The following MARCHF1 variants were observed in gnomAD, a reference collection of about 807,000 sequenced individuals.
MARCHF1 encodes the protein membrane associated ring-CH-type finger 1, also known as E3 ubiquitin-protein ligase MARCHF1.
Under a neutral mutation model 54.2 loss-of-function variants are expected in MARCHF1, and 40 were observed. The observed-to-expected ratio is 0.74, with a 90% CI of 0.57 to 0.96. MARCHF1 has a LOEUF of 0.96. Ranked by LOEUF, MARCHF1 falls within the 40% of genes least tolerant of loss-of-function variation. MARCHF1 has a pLI of 0.00. For missense variants in MARCHF1, 586 were observed against 656.5 expected (o/e 0.89, Z 1.17); for synonymous variants, 236 against 236.3 (o/e 1.00, Z 0.01).
chr4:163,529,590 C>T (rs1463984356), intron 9 of MARCHF1, among the ~76,000 whole-genome samples: 3 of 151,856 alleles, frequency 2.0e-5, no homozygotes, highest in Non-Finnish European at 4.4e-5. Flanking sequence ...CCACATCTCA[C>T]CAGAGAGAGA....
Position 163,933,104 on chromosome 4 carries a change from T to G in MARCHF1, c.-39+55397A>C, listed in dbSNP as rs183504771. On this transcript the variant is annotated intron_variant, in intron 3 of 9. Transcript: ENST00000514618. The stretch of plus-strand genomic sequence containing the variant: ...CCTGCACGCTGGCTAAAACGGCTTT[T>G]GATGAGGCCATTGCAGAACTTGATA... 91 of 1,276,112 alleles carry G rather than the reference T, an allele frequency of 7.1e-5. No homozygotes were observed. In the African/African-American group the frequency reaches 1.1e-3, roughly 16 times the overall value. The allele number at this position is 1,276,112 out of a possible 1,614,324, so 79.0% of individuals were successfully genotyped here.
rs115575192 is a variant in MARCHF1, at chr4:164,365,107, G to A, written c.-323+18763C>T. 3.9e-5 allele frequency among the ~76,000 whole-genome samples: 6 copies of A among 152,024 alleles called. No individual in the cohort carries two copies. In the East Asian group the frequency reaches 5.8e-4, roughly 15 times the overall value. On this transcript the variant is annotated intron_variant, in intron 1 of 9. Coordinates refer to ENST00000514618, the MANE Select transcript of MARCHF1 (RefSeq NM_001394959.1). ...CTATGTCTTCATCATTCCCTGCCACGAATAGAGTAACAGATTCTTGGACTG... is the reference window on the plus strand; with the variant it reads ...CTATGTCTTCATCATTCCCTGCCACAAATAGAGTAACAGATTCTTGGACTG...
At chr4:163,569,102 G>A (rs979891238) in intron 8 of MARCHF1, among the ~76,000 whole-genome samples, 2 of 152,032 alleles carry the variant, frequency 1.3e-5, no homozygotes, top group Admixed American at 1.3e-4. Flanking sequence ...GTTATCACTG[G>A]ATCATCAAGG....
At chr4:164,127,116 C>G (rs977642363) in intron 1 of MARCHF1, among the ~76,000 whole-genome samples, 4 of 145,694 alleles carry the variant, frequency 2.7e-5, no homozygotes. Flanking sequence ...ACTGGAGAAA[C>G]AGTGATCCTT....
intron 7 of MARCHF1, among the ~76,000 whole-genome samples, chr4:163,586,946 G>A (rs1439975478): frequency 6.6e-6 from 1 of 152,066 alleles, no homozygotes; most frequent in African/African-American, 2.4e-5. Flanking sequence ...ACAACAAATG[G>A]TCTAAACTGT....
intron 2 of MARCHF1, among the ~76,000 whole-genome samples, chr4:164,075,795 C>A (rs937879858): frequency 1.3e-5 from 2 of 152,070 alleles, no homozygotes; most frequent in Non-Finnish European, 2.9e-5. Context: ...CCCCTTAGAC[C>A]TAAAGCCCCA....
At chr4:164,208,913 C>G (rs936805755) in intron 1 of MARCHF1, among the ~76,000 whole-genome samples, 1 of 151,976 alleles carries the variant, frequency 6.6e-6, no homozygotes, top group Non-Finnish European at 1.5e-5. Flanking sequence ...TCATACTACT[C>G]TAGTTTAGGC....
At chr4:164,105,469 C>T (rs1264280282) in intron 2 of MARCHF1, among the ~76,000 whole-genome samples, 8 of 144,846 alleles carry the variant, frequency 5.5e-5, no homozygotes, top group African/African-American at 2.0e-4. Flanking sequence ...TGCATATCTA[C>T]AACTATCTGA....
intron 2 of MARCHF1, among the ~76,000 whole-genome samples, chr4:164,065,720 G>A (rs547042730): frequency 6.6e-5 from 10 of 152,256 alleles, no homozygotes; most frequent in Admixed American, 2.6e-4. Flanking sequence ...TCAAAAGCAG[G>A]GAAGCTGGCA....
Position 163,659,580 on chromosome 4 carries a change from G to A in MARCHF1, c.162+41233C>T, listed in dbSNP as rs868099923. 1.3e-5 allele frequency among the ~76,000 whole-genome samples: 2 copies of A among 152,042 alleles called. 1 individual carries two copies. The highest frequency in any genetic ancestry group is 4.1e-4 in the South Asian group (2 of 4,822). ...GATCTAATTAAACTAAAGAGCTTCT[G>A]CACAGCAAAGGAAACTATCATGAGA... On this transcript the variant is annotated intron_variant, in intron 5 of 9. Transcript: ENST00000514618.
At chr4:163,864,591 T>C (rs947363552) in intron 3 of MARCHF1, among the ~76,000 whole-genome samples, 1 of 152,028 alleles carries the variant, frequency 6.6e-6, no homozygotes, top group African/African-American at 2.4e-5. Context: ...GTAATAAATA[T>C]GTACCCTATC....
chr4:164,241,716 C>A (rs376246718), intron 1 of MARCHF1, among the ~76,000 whole-genome samples: 10 of 152,116 alleles, frequency 6.6e-5, no homozygotes, highest in East Asian at 5.8e-4. Flanking sequence ...TCTGAGGTAC[C>A]GGGTTCATCT....
At chr4:164,174,017 T>C (rs1730595378) in intron 1 of MARCHF1, among the ~76,000 whole-genome samples, 1 of 152,230 alleles carries the variant, frequency 6.6e-6, no homozygotes, top group African/African-American at 2.4e-5. Context: ...AGAAATCGTC[T>C]CACACTATAA....
intron 3 of MARCHF1, among the ~76,000 whole-genome samples, chr4:163,983,315 G>A (rs1579439808): frequency 6.6e-6 from 1 of 152,134 alleles, no homozygotes; most frequent in Non-Finnish European, 1.5e-5. Context: ...TCAAGATTAA[G>A]AGGCCTTGAT....
chr4:163,712,763 A>T (rs1279005630), intron 4 of MARCHF1, among the ~76,000 whole-genome samples: 1 of 152,218 alleles, frequency 6.6e-6, no homozygotes. Flanking sequence ...ACAAAGTGCC[A>T]GGAAAGTTGA....
chr4:163,761,576 T>C (rs1013766431), intron 4 of MARCHF1, among the ~76,000 whole-genome samples: 48 of 152,322 alleles, frequency 3.2e-4, no homozygotes, highest in African/African-American at 1.2e-3. Flanking sequence ...CAGCAGGTAA[T>C]TGCCAGAATG....
chr4:164,067,800 A>G (rs114865174), intron 2 of MARCHF1, among the ~76,000 whole-genome samples: 266 of 152,324 alleles, frequency 1.7e-3, no homozygotes, highest in Middle Eastern at 6.8e-3. Flanking sequence ...AAAATGGGAG[A>G]AAATATTCTT....
At chr4:164,268,396 T>C (rs1240003018) in intron 1 of MARCHF1, among the ~76,000 whole-genome samples, 7 of 152,102 alleles carry the variant, frequency 4.6e-5, no homozygotes, top group Admixed American at 6.6e-5. Flanking sequence ...GAGGTCTTTA[T>C]ATAAAGCAGG....
chr4:163,918,348 C>T (rs951594069), intron 3 of MARCHF1, among the ~76,000 whole-genome samples: 1 of 151,996 alleles, frequency 6.6e-6, no homozygotes, highest in Admixed American at 6.6e-5. Flanking sequence ...ATTTTCTCCC[C>T]GTCTGTTGTT....
Sources: gnomAD v4.1 joint callset for allele counts (sites outside exome capture counted in the v4.1 genomes callset) on GRCh38, gnomAD v4.1.1 for gene constraint, MANE v1.5 for transcripts, NCBI Gene and HGNC (gene_info 2026-07-23, HGNC 2026-07-21) for gene names.